LRRC1: variants seen among roughly 807,000 people sequenced by gnomAD.
LRRC1 encodes leucine-rich repeat-containing protein 1.
Under a neutral mutation model 69.9 loss-of-function variants are expected in LRRC1, and 28 were observed. That is an observed-to-expected ratio of 0.40 (90% CI 0.30 to 0.55). LRRC1 has a LOEUF of 0.55. Among genes scored for constraint, LRRC1 ranks in the 20% least tolerant of loss-of-function variants. The probability of loss-of-function intolerance (pLI) is 0.47; values close to 1 mark genes in which losing one functional copy is unlikely to be tolerated. For synonymous variants in LRRC1, 236 were observed against 240.2 expected (o/e 0.98, Z 0.16); for missense variants, 498 against 609.0 (o/e 0.82, Z 1.92).
chr6:53,845,989 A>G (rs1765931222), intron 2 of LRRC1, among the ~76,000 whole-genome samples: 1 of 152,218 alleles, frequency 6.6e-6, no homozygotes, highest in Non-Finnish European at 1.5e-5. Context: ...TCCTTGTTAA[A>G]GGGTAAGATG....
chr6:53,890,401 A>G (rs1027520521), intron 4 of LRRC1, among the ~76,000 whole-genome samples: 1 of 152,192 alleles, frequency 6.6e-6, no homozygotes, highest in Admixed American at 6.5e-5. Flanking sequence ...AGATTGAACT[A>G]GAGCGTGTGG....
intron 2 of LRRC1, among the ~76,000 whole-genome samples, chr6:53,875,266 A>G (rs1767027805): frequency 6.6e-6 from 1 of 152,190 alleles, no homozygotes; most frequent in Non-Finnish European, 1.5e-5. Flanking sequence ...ATGCCCAACA[A>G]TGGAGGATTG....
chr6:53,850,716 A>G (rs188889310), intron 2 of LRRC1, among the ~76,000 whole-genome samples: 48 of 152,354 alleles, frequency 3.2e-4, no homozygotes, highest in Non-Finnish European at 6.5e-4. Context: ...TAACACGGTG[A>G]GGAATTTTAT....
intron 11 of LRRC1, among the ~76,000 whole-genome samples, chr6:53,917,923 GT>G (rs1482438104): frequency 6.6e-6 from 1 of 152,210 alleles, no homozygotes; most frequent in Non-Finnish European, 1.5e-5. Flanking sequence ...GAGTTTACAT[GT>G]ATGCAACATT....
intron 4 of LRRC1, among the ~76,000 whole-genome samples, chr6:53,892,007 T>TACACACACACACACAC (rs748031793): frequency 8.9e-5 from 6 of 67,190 alleles, no homozygotes; most frequent in East Asian, 7.7e-4. Context: ...AAAATATATA[T>TACACACACACACACAC]ATATACACAC....
intron 2 of LRRC1, among the ~76,000 whole-genome samples, chr6:53,865,342 T>C (rs1766666905): frequency 6.6e-6 from 1 of 152,108 alleles, no homozygotes; most frequent in Non-Finnish European, 1.5e-5. Flanking sequence ...TCACATCTTA[T>C]ATATTTTCTC....
intron 1 of LRRC1, among the ~76,000 whole-genome samples, chr6:53,840,934 G>GCA (rs1197407299): frequency 6.7e-6 from 1 of 149,420 alleles, no homozygotes; most frequent in Non-Finnish European, 1.5e-5. Context: ...GTGTGCGTGC[G>GCA]CGCACATTCT....
intron 7 of LRRC1, among the ~76,000 whole-genome samples, chr6:53,897,889 C>T (rs1291195379): frequency 6.6e-6 from 1 of 152,266 alleles, no homozygotes; most frequent in Non-Finnish European, 1.5e-5. Context: ...CCAAATGAAG[C>T]GGAGTCTTGT....
intron 1 of LRRC1, among the ~76,000 whole-genome samples, chr6:53,806,241 C>T (rs1369106696): frequency 2.6e-5 from 4 of 152,206 alleles, no homozygotes; most frequent in African/African-American, 9.6e-5. Context: ...CTTTTCTTTG[C>T]ATTCCTGCTG....
At chr6:53,864,403 A>G (rs555895520) in intron 2 of LRRC1, among the ~76,000 whole-genome samples, 7 of 152,084 alleles carry the variant, frequency 4.6e-5, no homozygotes, top group African/African-American at 7.3e-5. Flanking sequence ...TTGTCTCTCC[A>G]TATGCATTCC....
intron 2 of LRRC1, among the ~76,000 whole-genome samples, chr6:53,870,106 C>G (rs1240433548): frequency 6.6e-6 from 1 of 152,182 alleles, no homozygotes; most frequent in Non-Finnish European, 1.5e-5. Context: ...AATTTACCTT[C>G]CTGTAAACCG....
intron 9 of LRRC1, among the ~76,000 whole-genome samples, chr6:53,903,434 T>C (rs953513164): frequency 6.6e-6 from 1 of 152,184 alleles, no homozygotes; most frequent in African/African-American, 2.4e-5. Flanking sequence ...TGTCAGCCCT[T>C]CAGTTGTCAC....
At chr6:53,892,978 G>A (rs1447353896) in intron 4 of LRRC1, among the ~76,000 whole-genome samples, 1 of 152,204 alleles carries the variant, frequency 6.6e-6, no homozygotes, top group Non-Finnish European at 1.5e-5. Flanking sequence ...TTCCAGTCCA[G>A]TTACAGACAA....
intron 1 of LRRC1, among the ~76,000 whole-genome samples, chr6:53,819,814 T>C (rs1008057391): frequency 3.3e-5 from 5 of 152,184 alleles, no homozygotes; most frequent in African/African-American, 1.2e-4. Context: ...TGAGATTTAT[T>C]AGCCAGGGCA....
chr6:53,802,207 G>A (rs1265018383), intron 1 of LRRC1, among the ~76,000 whole-genome samples: 1 of 152,198 alleles, frequency 6.6e-6, no homozygotes, highest in Non-Finnish European at 1.5e-5. Context: ...CAGAGGTGAA[G>A]TATGGAAAGA....
At chr6:53,891,554 A>G (rs1322066443) in intron 4 of LRRC1, among the ~76,000 whole-genome samples, 1 of 151,988 alleles carries the variant, frequency 6.6e-6, no homozygotes, top group Non-Finnish European at 1.5e-5. Context: ...GACTATATAC[A>G]TTCACACCTA....
rs546877542 is a variant in LRRC1 at position 53,882,903 on chromosome 6, C to T, written c.373C>T (p.Pro125Ser). 149 of 1,606,338 alleles carry T rather than the reference C, an allele frequency of 9.3e-5. No homozygotes were observed. The South Asian group carries it at 1.6e-3, about 17-fold the overall frequency. Reference sequence around the variant, plus strand: ...TGATTTTAGGTTGCCAGAAAGCTTTCCTGAATTACAGAATTTAACATGTCT... The same window carrying T: ...TGATTTTAGGTTGCCAGAAAGCTTTTCTGAATTACAGAATTTAACATGTCT... ...NPLTRLPESFPELQNLTCLSV... is the reference protein window; with the variant it reads ...NPLTRLPESFSELQNLTCLSV... Residue 125 changes from proline to serine, a missense_variant, in exon 4 of 14, where the codon CCT becomes TCT. By Grantham distance (74) the Pro-to-Ser change is moderately conservative. Coordinates refer to ENST00000370888, the MANE Select transcript of LRRC1 (RefSeq NM_018214.5).
chr6:53,848,762 C>CTTT (rs111478096), intron 2 of LRRC1, among the ~76,000 whole-genome samples: 1 of 149,940 alleles, frequency 6.7e-6, no homozygotes, highest in Non-Finnish European at 1.5e-5. Context: ...TTCTTTTACT[C>CTTT]TTTTTTTTTT....
intron 2 of LRRC1, among the ~76,000 whole-genome samples, chr6:53,845,164 A>G (rs538770197): frequency 1.3e-5 from 2 of 152,348 alleles, no homozygotes; most frequent in East Asian, 3.9e-4. Context: ...AGATCACGCC[A>G]TTGCACTCCA....
Sources: gnomAD v4.1 joint callset for allele counts (sites outside exome capture counted in the v4.1 genomes callset) on GRCh38, gnomAD v4.1.1 for gene constraint, MANE v1.5 for transcripts, NCBI Gene and HGNC (gene_info 2026-07-23, HGNC 2026-07-21) for gene names.